Variants in EIPR1 observed in about 807,000 individuals in gnomAD.
EIPR1 encodes EARP complex and GARP complex interacting protein 1.
EIPR1 carries 25 observed loss-of-function variants against 48.1 expected under a neutral mutation model. That is an observed-to-expected ratio of 0.52 (90% CI 0.38 to 0.73). The LOEUF (loss-of-function observed/expected upper bound fraction) is 0.73, where lower values mean the gene tolerates loss of function less well. Among genes scored for constraint, EIPR1 ranks in the 30% least tolerant of loss-of-function variants. The pLI, the probability that EIPR1 is intolerant of heterozygous loss-of-function variation, is 0.00. For synonymous variants in EIPR1, 204 were observed against 201.9 expected (o/e 1.01, Z -0.09); for missense variants, 415 against 506.2 (o/e 0.82, Z 1.73).
chr2:3,234,367 C>G (rs1016799309), intron 4 of EIPR1, among the ~76,000 whole-genome samples: 2 of 152,228 alleles, frequency 1.3e-5, no homozygotes, highest in Non-Finnish European at 2.9e-5. Flanking sequence ...TGTTTCTCTA[C>G]CTTTTCCATC....
At chr2:3,267,448 T>C (rs1371456851) in intron 3 of EIPR1, among the ~76,000 whole-genome samples, 1 of 152,210 alleles carries the variant, frequency 6.6e-6, no homozygotes. Context: ...AGCAGCGGGT[T>C]CTTGGAGAAT....
intron 5 of EIPR1, chr2:3,209,064 G>C (rs1665345869): frequency 7.0e-7 from 1 of 1,433,938 alleles, no homozygotes; most frequent in Non-Finnish European, 9.1e-7. Flanking sequence ...CTGCTGGTGG[G>C]AAGGCAGGGT....
intron 3 of EIPR1, among the ~76,000 whole-genome samples, chr2:3,267,238 C>G (rs981337698): frequency 3.9e-5 from 6 of 152,240 alleles, no homozygotes; most frequent in Non-Finnish European, 7.3e-5. Context: ...AGCACTCACT[C>G]CATGGCTACA....
At chr2:3,249,412 C>T (rs933731962) in intron 4 of EIPR1, among the ~76,000 whole-genome samples, 1 of 146,642 alleles carries the variant, frequency 6.8e-6, no homozygotes, top group Non-Finnish European at 1.5e-5. Flanking sequence ...TCAGAAGCAA[C>T]GTATTCAAGA....
In EIPR1 at chr2:3,214,264, G is replaced by C. The variant is rs1665553901; in HGVS notation, c.417-16C>G. On this transcript the variant is annotated splice_polypyrimidine_tract_variant and intron_variant, in intron 4 of 8. Transcript: ENST00000382125. The stretch of plus-strand genomic sequence containing the variant: ...CCACACGACACTAAGAGAAAGAGAA[G>C]TACCAAATGTTAACATAAACATTTG... The C allele has an allele frequency of 6.2e-7, 1 of 1,608,728 alleles. No individual in the cohort carries two copies. Among genetic ancestry groups the C allele is most frequent in the Admixed American group, 1.7e-5 (1 of 59,712 alleles).
At chr2:3,305,149 G>A (rs1572419343) in intron 3 of EIPR1, among the ~76,000 whole-genome samples, 13 of 98,106 alleles carry the variant, frequency 1.3e-4, no homozygotes, top group South Asian at 3.7e-4. Context: ...CATCAGTTCA[G>A]CCCTCCACTC....
Position 3,319,641 on chromosome 2 carries a change from C to T in EIPR1, c.259+18376G>A, listed in dbSNP as rs538859903. On this transcript the variant is annotated intron_variant, in intron 3 of 8. Coordinates refer to ENST00000382125, the MANE Select transcript of EIPR1 (RefSeq NM_003310.5). Reference sequence around the variant, plus strand: ...ACAGTCGAGGCTGTTCTGTCCACCACGCCCGGTGTGCTCTTCCTCCCTCCA... The same window carrying T: ...ACAGTCGAGGCTGTTCTGTCCACCATGCCCGGTGTGCTCTTCCTCCCTCCA... 2.5e-4 allele frequency: 44 copies of T among 173,510 alleles called. 1 individual carries two copies. In the South Asian group the frequency reaches 4.4e-3, roughly 18 times the overall value. 10.7% of individuals were successfully genotyped at this position (173,510 alleles called of 1,614,324 possible). A position where few individuals can be genotyped will look rare whatever the true frequency, so the allele number is the denominator to read the frequency against.
chr2:3,278,596 TTGGCC>T (rs1176693053), intron 3 of EIPR1, among the ~76,000 whole-genome samples: 1 of 152,248 alleles, frequency 6.6e-6, no homozygotes, highest in South Asian at 2.1e-4. Context: ...ACCCCTGAGG[TTGGCC>T]TGGCCTGGCC....
intron 4 of EIPR1, among the ~76,000 whole-genome samples, chr2:3,216,352 G>A (rs1223355993): frequency 6.6e-6 from 1 of 152,106 alleles, no homozygotes; most frequent in Non-Finnish European, 1.5e-5. Flanking sequence ...CAAAAGGCTG[G>A]AGCAAGGAGT....
intron 4 of EIPR1, among the ~76,000 whole-genome samples, chr2:3,216,261 A>G (rs1226886637): frequency 6.6e-6 from 1 of 152,160 alleles, no homozygotes; most frequent in Non-Finnish European, 1.5e-5. Flanking sequence ...TATGACGGGC[A>G]GTAAATTTCC....
chr2:3,331,244 G>A (rs1378604740), intron 3 of EIPR1, among the ~76,000 whole-genome samples: 1 of 108,456 alleles, frequency 9.2e-6, no homozygotes, highest in Non-Finnish European at 1.8e-5. Flanking sequence ...AGCAGAGGCA[G>A]GTGTGTACAC....
At position 3,287,246 on chromosome 2, in the gene EIPR1, G is replaced by A. The variant is rs150928823; in HGVS notation, c.260-29791C>T. ...TCGTTCACCACAATCCAGAAAGCTC[G>A]TTCACCACACTCCAGAAAGCTCATT... is the stretch of plus-strand genomic sequence containing the variant. On this transcript the variant is annotated intron_variant, in intron 3 of 8. Transcript: ENST00000382125. Among the ~76,000 whole-genome samples, 559 of 70,892 alleles carry A rather than the reference G, an allele frequency of 7.9e-3. 1 individual carries two copies. The highest frequency in any genetic ancestry group is 0.012 in the South Asian group (28 of 2,422). 46.5% of individuals were successfully genotyped at this position (70,892 alleles called of 152,430 possible). A position where few individuals can be genotyped will look rare whatever the true frequency, so the allele number is the denominator to read the frequency against.
At chr2:3,272,189 G>A (rs1033643147) in intron 3 of EIPR1, among the ~76,000 whole-genome samples, 2 of 152,214 alleles carry the variant, frequency 1.3e-5, no homozygotes, top group African/African-American at 4.8e-5. Flanking sequence ...AGAATGTTGT[G>A]CATGATTTGG....
intron 3 of EIPR1, among the ~76,000 whole-genome samples, chr2:3,260,319 C>G (rs570507370): frequency 6.6e-6 from 1 of 152,010 alleles, no homozygotes. Flanking sequence ...GGTGAAACCC[C>G]GTCTCTACTA....
chr2:3,208,997 G>T, intron 5 of EIPR1: 1 of 1,456,482 alleles, frequency 6.9e-7, no homozygotes. Context: ...TATCAAGGTC[G>T]CCAGAAGCGG....
chr2:3,368,960 C>T lies in EIPR1; in HGVS notation c.42+8688G>A, dbSNP rs538292555. ...TTCAAGTGTCATTACCTTCACTCAG[C>T]GGTCAACGATCAGATCTCTATCCTT... On this transcript the variant is annotated intron_variant, in intron 1 of 8. Transcript: ENST00000382125. Among the ~76,000 whole-genome samples the T allele has an allele frequency of 9.2e-5, 14 of 152,204 alleles. No homozygotes were observed. The East Asian group carries it at 2.3e-3, about 25-fold the overall frequency.
At chr2:3,214,126 G>A (rs368977230) in intron 5 of EIPR1, 23 bp downstream of exon 5, 32 of 1,598,730 alleles carry the variant, frequency 2.0e-5, no homozygotes, top group Non-Finnish European at 2.6e-6. Flanking sequence ...AGAAACAAAC[G>A]CTGTGTTGTT....
intron 4 of EIPR1, among the ~76,000 whole-genome samples, chr2:3,239,739 C>T (rs558216198): frequency 6.6e-5 from 10 of 152,240 alleles, no homozygotes; most frequent in South Asian, 4.2e-4. Context: ...GCCCTCAGCA[C>T]GGTGCAGACA....
At position 3,313,921 on chromosome 2, in the gene EIPR1, G is replaced by A. The variant is rs1448192247; in HGVS notation, c.259+24096C>T. Among the ~76,000 whole-genome samples the A allele has an allele frequency of 1.9e-4, 29 of 152,188 alleles. 1 individual carries two copies. The highest frequency in any genetic ancestry group is 1.9e-3 in the Admixed American group (29 of 15,288). The stretch of plus-strand genomic sequence containing the variant: ...CCTCACCCCCCGGTCTTCATTAGCA[G>A]CGGGTCACAGCAGCAGCCGGGGCTG... On this transcript the variant is annotated intron_variant, in intron 3 of 8. Coordinates refer to ENST00000382125, the MANE Select transcript of EIPR1 (RefSeq NM_003310.5).
Sources: allele counts gnomAD v4.1 joint callset (sites outside exome capture counted in the v4.1 genomes callset), GRCh38; gene constraint gnomAD v4.1.1; transcripts MANE v1.5; gene names NCBI Gene and HGNC (gene_info 2026-07-23, HGNC 2026-07-21).